FRMPD4: variants seen among roughly 807,000 people sequenced by gnomAD.
FRMPD4 encodes FERM and PDZ domain containing 4, also known as FERM and PDZ domain-containing protein 4.
FRMPD4 carries 22 observed loss-of-function variants against 94.1 expected under a neutral mutation model. The ratio of observed to expected loss-of-function variants is 0.23; its 90% CI spans 0.17 to 0.33. The LOEUF is 0.33. Ranked by LOEUF, FRMPD4 falls within the 10% of genes least tolerant of loss-of-function variation. The probability of loss-of-function intolerance (pLI) is 1.00; values close to 1 mark genes in which losing one functional copy is unlikely to be tolerated. For missense variants in FRMPD4, 1,111 were observed against 1,339.9 expected, an observed-to-expected ratio of 0.83 and a Z score of 2.67; for synonymous variants, 631 against 548.6, an observed-to-expected ratio of 1.15 and a Z score of -2.10.
At chrX:12,451,733 C>CGTGTGTGTGTGTGTGTGTGT (rs72300557) in intron 1 of FRMPD4, among the ~76,000 whole-genome samples, 1 of 98,813 alleles carries the variant, frequency 1.0e-5, no homozygotes, top group Non-Finnish European at 2.0e-5. Context: ...TGTGTATGCC[C>CGTGTGTGTGTGTGTGTGTGT]GTGTGTGTGT....
At chrX:12,192,201 A>G (rs767272158) in intron 1 of FRMPD4, among the ~76,000 whole-genome samples, 1 of 111,815 alleles carries the variant, frequency 8.9e-6, no homozygotes, top group East Asian at 2.8e-4. Context: ...CAACTGTGTC[A>G]CATTTCCAAA....
At chrX:12,544,004 C>T (rs5934016) in intron 2 of FRMPD4, among the ~76,000 whole-genome samples, 42,176 of 104,613 alleles carry the variant, frequency 0.4, 7,483 homozygotes, top group Non-Finnish European at 0.54. Flanking sequence ...CCAAACACCA[C>T]ATGTTCTCAA....
At chrX:11,946,066 A>G (rs1315329632) in intron 3 of FRMPD4, among the ~76,000 whole-genome samples, 2 of 112,017 alleles carry the variant, frequency 1.8e-5, no homozygotes, top group African/African-American at 6.5e-5. Flanking sequence ...GGTACAGCAC[A>G]TGTCCACAAT....
intron 1 of FRMPD4, among the ~76,000 whole-genome samples, chrX:12,354,695 G>T (rs1350016912): frequency 9.0e-6 from 1 of 111,438 alleles, no homozygotes; most frequent in Non-Finnish European, 1.9e-5. Flanking sequence ...GACAGTATAG[G>T]TCTTTTGAAA....
chrX:12,526,860 T>G (rs960889370), intron 2 of FRMPD4, among the ~76,000 whole-genome samples: 2 of 112,460 alleles, frequency 1.8e-5, no homozygotes, highest in African/African-American at 6.5e-5. Flanking sequence ...AGTGTACATA[T>G]CAACGAGAAA....
At chrX:12,309,155 A>G (rs1193888705) in intron 1 of FRMPD4, among the ~76,000 whole-genome samples, 3 of 111,932 alleles carry the variant, frequency 2.7e-5, no homozygotes, top group African/African-American at 6.5e-5. Context: ...CTGGGTTCCA[A>G]TACACCTTTA....
At chrX:12,606,789 CT>C (rs1411111340) in intron 2 of FRMPD4, among the ~76,000 whole-genome samples, 1 of 111,766 alleles carries the variant, frequency 8.9e-6, no homozygotes, top group East Asian at 2.8e-4. Context: ...TCCCTCCCTT[CT>C]TTTCTTCTTT....
intron 1 of FRMPD4, among the ~76,000 whole-genome samples, chrX:12,190,017 G>T (rs1601678231): frequency 9.0e-6 from 1 of 111,540 alleles, no homozygotes; most frequent in Non-Finnish European, 1.9e-5. Context: ...AATGACTATT[G>T]CATGGTTACA....
At chrX:12,587,738 C>T (rs2058945561) in intron 2 of FRMPD4, among the ~76,000 whole-genome samples, 1 of 110,897 alleles carries the variant, frequency 9.0e-6, no homozygotes, top group Non-Finnish European at 1.9e-5. Context: ...TCTTAGTTCT[C>T]ATGAATAGTG....
intron 3 of FRMPD4, among the ~76,000 whole-genome samples, chrX:11,880,818 C>A (rs749722667): frequency 3.4e-4 from 38 of 110,907 alleles, no homozygotes; most frequent in Non-Finnish European, 6.6e-4. Context: ...AATCTTTGTA[C>A]TTTTAGTAGA....
At chrX:12,125,994 A>G (rs1461719221) in intron 3 of FRMPD4, among the ~76,000 whole-genome samples, 1 of 112,212 alleles carries the variant, frequency 8.9e-6, no homozygotes, top group African/African-American at 3.2e-5. Flanking sequence ...CAGTTAACCC[A>G]TCCTGAGAGT....
At chrX:12,457,752 G>A (rs988995633) in intron 1 of FRMPD4, among the ~76,000 whole-genome samples, 1 of 111,967 alleles carries the variant, frequency 8.9e-6, no homozygotes, top group Non-Finnish European at 1.9e-5. Context: ...TAGTGATTTC[G>A]GAAAATGGTG....
At chrX:12,717,353 C>T in intron 15 of FRMPD4, 148 bp from the exon 16 acceptor site, 1 of 475,239 alleles carries the variant, frequency 2.1e-6, no homozygotes, top group Admixed American at 3.8e-5. Context: ...ACCCCCATTT[C>T]TGGAAAAACT....
intron 1 of FRMPD4, among the ~76,000 whole-genome samples, chrX:11,846,125 A>G (rs2053575313): frequency 9.1e-6 from 1 of 109,937 alleles, no homozygotes; most frequent in Non-Finnish European, 1.9e-5. Flanking sequence ...GTATATCTAG[A>G]AAACCCCACT....
At chrX:11,868,185 T>G (rs1410785029) in intron 2 of FRMPD4, among the ~76,000 whole-genome samples, 3 of 112,300 alleles carry the variant, frequency 2.7e-5, no homozygotes, top group Non-Finnish European at 3.8e-5. Flanking sequence ...GCACTTCTCC[T>G]GTTCTTCTGT....
intron 3 of FRMPD4, among the ~76,000 whole-genome samples, chrX:12,003,974 C>G (rs2054537603): frequency 8.9e-6 from 1 of 111,898 alleles, no homozygotes; most frequent in Non-Finnish European, 1.9e-5. Flanking sequence ...CTTCCTTCTA[C>G]TTCCACAAAG....
chrX:12,493,478 T>C lies in FRMPD4; in HGVS notation c.42-5202T>C, dbSNP rs183965415. 8.9e-5 allele frequency among the ~76,000 whole-genome samples: 10 copies of C among 111,927 alleles called. 1 individual carries two copies. In the East Asian group the frequency reaches 2.8e-3, roughly 32 times the overall value. ...GAGCTTTAGCTTTGGTTTTCCCATA[T>C]CTGAAATGAAGATAATGCATTCCTC... On this transcript the variant is annotated intron_variant, in intron 1 of 16. Coordinates refer to ENST00000675598, the MANE Select transcript of FRMPD4 (RefSeq NM_001368397.1).
At chrX:12,032,465 C>T (rs1490207584) in intron 3 of FRMPD4, among the ~76,000 whole-genome samples, 2 of 111,987 alleles carry the variant, frequency 1.8e-5, no homozygotes, top group African/African-American at 6.5e-5. Flanking sequence ...TTGATGATAA[C>T]AAGGAGAATA....
chrX:12,423,226 G>A (rs1380207732), intron 1 of FRMPD4, among the ~76,000 whole-genome samples: 1 of 107,657 alleles, frequency 9.3e-6, no homozygotes, highest in Middle Eastern at 4.3e-3. Flanking sequence ...GTGAGAGAGT[G>A]AGACGCCGTC....
Sources: allele counts gnomAD v4.1 joint callset (sites outside exome capture counted in the v4.1 genomes callset), GRCh38; gene constraint gnomAD v4.1.1; transcripts MANE v1.5; gene names NCBI Gene and HGNC (gene_info 2026-07-23, HGNC 2026-07-21).